Variants in CALN1 observed in about 807,000 individuals in gnomAD.
CALN1 encodes calneuron 1, also known as calcium-binding protein 8.
CALN1 carries 17 observed loss-of-function variants against 30.6 expected under a neutral mutation model. That is an observed-to-expected ratio of 0.56 (90% CI 0.38 to 0.83). The LOEUF is 0.83. CALN1 is among the 40% of genes least tolerant of loss of function. The pLI, the probability that CALN1 is intolerant of heterozygous loss-of-function variation, is 0.00. For missense variants in CALN1, 291 were observed against 354.9 expected, an observed-to-expected ratio of 0.82 and a Z score of 1.45; for synonymous variants, 156 against 131.4, an observed-to-expected ratio of 1.19 and a Z score of -1.28.
At chr7:71,983,387 GA>G (rs1798500103) in intron 5 of CALN1, among the ~76,000 whole-genome samples, 2 of 152,084 alleles carry the variant, frequency 1.3e-5, no homozygotes, top group African/African-American at 4.8e-5. Flanking sequence ...CAATGATATA[GA>G]AAACACAAAA....
intron 3 of CALN1, among the ~76,000 whole-genome samples, chr7:72,227,894 ATCCCGAAGGTC>A (rs1178524496): frequency 6.6e-6 from 1 of 150,896 alleles, no homozygotes; most frequent in Non-Finnish European, 1.5e-5. Flanking sequence ...TGTAGACACC[ATCCCGAAGGTC>A]TTCCACCAGC....
At chr7:71,952,642 T>C (rs924478717) in intron 5 of CALN1, among the ~76,000 whole-genome samples, 2 of 152,090 alleles carry the variant, frequency 1.3e-5, no homozygotes, top group African/African-American at 4.8e-5. Flanking sequence ...AGAAAGCTAG[T>C]GTAGATCGCT....
chr7:72,395,312 T>C (rs1450924577), intron 2 of CALN1, among the ~76,000 whole-genome samples: 1 of 151,448 alleles, frequency 6.6e-6, no homozygotes, highest in Non-Finnish European at 1.5e-5. Context: ...AATAGGTGGT[T>C]TCCAGGCTTT....
rs3065015 is a variant in CALN1, at chr7:72,079,761, C to CTTTTTTTTTTTTTTTT, written c.388+26374_388+26389dup. Among the ~76,000 whole-genome samples the CTTTTTTTTTTTTTTTT allele has an allele frequency of 3.3e-4, 34 of 104,046 alleles. 1 individual carries two copies. Among genetic ancestry groups the CTTTTTTTTTTTTTTTT allele is most frequent in the African/African-American group, 6.8e-4 (17 of 25,058 alleles). The allele number at this position is 104,046 out of a possible 152,430, so 68.3% of individuals were successfully genotyped here. ...AAATGCCCAAGAGGTTGCCTTTTTCCTTTTTTTTTTTTTTTTTTTTTTTTT... is the reference window on the plus strand; with the variant it reads ...AAATGCCCAAGAGGTTGCCTTTTTCCTTTTTTTTTTTTTTTTTTTTTTTTTTTTTTTTTTTTTTTTT... On this transcript the variant is annotated intron_variant, in intron 4 of 6. Coordinates refer to ENST00000395275, the MANE Select transcript of CALN1 (RefSeq NM_031468.4).
At position 72,199,637 on chromosome 7, in the gene CALN1, G is replaced by A. The variant is rs138955061; in HGVS notation, c.244+79049C>T. Among the ~76,000 whole-genome samples, 6 of 152,298 alleles carry A rather than the reference G, an allele frequency of 3.9e-5. No individual in the cohort carries two copies. The East Asian group carries it at 9.7e-4, about 25-fold the overall frequency. On this transcript the variant is annotated intron_variant, in intron 3 of 6. Coordinates refer to ENST00000395275, the MANE Select transcript of CALN1 (RefSeq NM_031468.4). ...AGGCTGAAGCAAAAGAATCACTTGA[G>A]CCCAGGAGTTCGAGCCTGGGCAACA...
intron 5 of CALN1, among the ~76,000 whole-genome samples, chr7:71,822,547 C>G (rs1393031839): frequency 4.6e-5 from 7 of 152,182 alleles, no homozygotes; most frequent in Non-Finnish European, 1.0e-4. Flanking sequence ...CGTGCCTGGC[C>G]CGCTTCTGGT....
intron 3 of CALN1, among the ~76,000 whole-genome samples, chr7:72,200,089 C>T (rs1188026812): frequency 6.6e-6 from 1 of 152,130 alleles, no homozygotes; most frequent in Non-Finnish European, 1.5e-5. Flanking sequence ...CGCCTCTCCA[C>T]TATATCTCAC....
chr7:72,272,016 C>T (rs529020883), intron 3 of CALN1, among the ~76,000 whole-genome samples: 5 of 148,480 alleles, frequency 3.4e-5, no homozygotes, highest in East Asian at 2.0e-4. Context: ...GAGCTGAGAT[C>T]GTGCCACCGC....
chr7:72,391,468 C>A (rs1562941909), intron 2 of CALN1, among the ~76,000 whole-genome samples: 1 of 123,084 alleles, frequency 8.1e-6, no homozygotes, highest in African/African-American at 2.5e-5. Flanking sequence ...GCAAAAGGAC[C>A]CAGCATGATG....
At chr7:72,405,841 T>C (rs866991887) in intron 1 of CALN1, among the ~76,000 whole-genome samples, 2 of 152,206 alleles carry the variant, frequency 1.3e-5, no homozygotes, top group African/African-American at 2.4e-5. Flanking sequence ...GCTCCCCATA[T>C]GCAAAAACTT....
At chr7:71,991,056 G>T (rs1004379455) in intron 5 of CALN1, among the ~76,000 whole-genome samples, 1 of 149,850 alleles carries the variant, frequency 6.7e-6, no homozygotes, top group African/African-American at 2.5e-5. Flanking sequence ...TGAGGGGGGG[G>T]GTCGACAAAT....
intron 3 of CALN1, among the ~76,000 whole-genome samples, chr7:72,266,389 T>G (rs1482949959): frequency 6.6e-6 from 1 of 152,250 alleles, no homozygotes; most frequent in African/African-American, 2.4e-5. Context: ...GCTTAAAATA[T>G]AGTTGAGAAA....
intron 5 of CALN1, among the ~76,000 whole-genome samples, chr7:71,854,230 C>A (rs914128756): frequency 5.9e-5 from 9 of 151,946 alleles, no homozygotes; most frequent in Admixed American, 4.6e-4. Context: ...ACAGGCCGGG[C>A]AGGAGGCTGA....
chr7:72,395,009 A>C (rs1292227043), intron 2 of CALN1, among the ~76,000 whole-genome samples: 14 of 152,158 alleles, frequency 9.2e-5, no homozygotes, highest in Admixed American at 9.2e-4. Flanking sequence ...TGGGAACTGC[A>C]CATCTGCGTA....
rs573139773 is a variant in CALN1 at position 72,321,161 on chromosome 7, T to C, written c.120-42351A>G. On this transcript the variant is annotated intron_variant, in intron 2 of 6. Coordinates refer to ENST00000395275, the MANE Select transcript of CALN1 (RefSeq NM_031468.4). The stretch of plus-strand genomic sequence containing the variant: ...AAACACTTGATCTTCTAGGACATAA[T>C]GCACACACCCTGAAAAAGCACTGTC... Among the ~76,000 whole-genome samples the C allele has an allele frequency of 1.9e-4, 28 of 146,176 alleles. No homozygotes were observed. The South Asian group carries it at 5.2e-3, about 27-fold the overall frequency.
intron 3 of CALN1, among the ~76,000 whole-genome samples, chr7:72,203,975 C>CT (rs1562730767): frequency 4.9e-5 from 5 of 101,590 alleles, no homozygotes; most frequent in African/African-American, 2.7e-4. Flanking sequence ...TAAGAGGCCT[C>CT]TCTCTTTTTT....
At chr7:72,078,426 A>C (rs946716374) in intron 4 of CALN1, among the ~76,000 whole-genome samples, 2 of 152,142 alleles carry the variant, frequency 1.3e-5, no homozygotes, top group Non-Finnish European at 2.9e-5. Flanking sequence ...GAGACTCGCA[A>C]GCTGTCCCTG....
intron 1 of CALN1, among the ~76,000 whole-genome samples, chr7:72,405,709 T>C (rs924837456): frequency 1.4e-5 from 2 of 145,332 alleles, no homozygotes; most frequent in African/African-American, 2.7e-5. Flanking sequence ...GTCATTACAG[T>C]AGAAACGCAA....
At chr7:72,020,242 A>T (rs1800627343) in intron 5 of CALN1, among the ~76,000 whole-genome samples, 1 of 152,104 alleles carries the variant, frequency 6.6e-6, no homozygotes, top group South Asian at 2.1e-4. Context: ...AATCTGCTTT[A>T]GAGACAGGCT....
Sources: gnomAD v4.1 joint callset for allele counts (sites outside exome capture counted in the v4.1 genomes callset) on GRCh38, gnomAD v4.1.1 for gene constraint, MANE v1.5 for transcripts, NCBI Gene and HGNC (gene_info 2026-07-23, HGNC 2026-07-21) for gene names.